The following LSAMP variants were observed in gnomAD, a reference collection of about 807,000 sequenced individuals.
LSAMP encodes the protein limbic system associated membrane protein.
A neutral mutation model predicts 38.6 loss-of-function variants in LSAMP; 7 were observed. The ratio of observed to expected loss-of-function variants is 0.18; its 90% CI spans 0.10 to 0.34. The LOEUF (loss-of-function observed/expected upper bound fraction) is 0.34. Among genes scored for constraint, LSAMP ranks in the 10% least tolerant of loss-of-function variants. LSAMP has a pLI of 1.00. For synonymous variants in LSAMP, 154 were observed against 166.8 expected, an observed-to-expected ratio of 0.92 and a Z score of 0.59; for missense variants, 313 against 420.0, an observed-to-expected ratio of 0.75 and a Z score of 2.23.
chr3:116,106,931 T>G (rs1244095463), intron 1 of LSAMP, among the ~76,000 whole-genome samples: 1 of 152,060 alleles, frequency 6.6e-6, no homozygotes, highest in African/African-American at 2.4e-5. Context: ...GATAGAACAC[T>G]GAGAAGTTAT....
chr3:116,407,245 A>G (rs2048908934), intron 1 of LSAMP, among the ~76,000 whole-genome samples: 1 of 152,072 alleles, frequency 6.6e-6, no homozygotes, highest in African/African-American at 2.4e-5. Context: ...CTTTCCAAAC[A>G]TGCATCCATC....
At chr3:116,048,164 G>C (rs1467126844) in intron 2 of LSAMP, among the ~76,000 whole-genome samples, 1 of 152,154 alleles carries the variant, frequency 6.6e-6, no homozygotes, top group Non-Finnish European at 1.5e-5. Context: ...GGTAGCAAAT[G>C]GTAAAGGGAT....
intron 3 of LSAMP, among the ~76,000 whole-genome samples, chr3:115,977,065 A>G (rs1210058536): frequency 2.6e-5 from 4 of 152,272 alleles, no homozygotes; most frequent in Non-Finnish European, 5.9e-5. Context: ...AATGAAATCT[A>G]TTTCATATTA....
rs72950122 is a variant in LSAMP, at chr3:116,302,164, G to T, written c.155+142713C>A. Among the ~76,000 whole-genome samples, 500 of 152,274 alleles carry T rather than the reference G, an allele frequency of 3.3e-3. 3 individuals are homozygous for T. Among genetic ancestry groups the T allele is most frequent in the African/African-American group, 0.011 (453 of 41,556 alleles). ...CAATAGAAAAGATCCACTTGTTATG[G>T]TAATCACCAGTGGCATTCTAAATAA... On this transcript the variant is annotated intron_variant, in intron 1 of 6. Coordinates refer to ENST00000490035, the MANE Select transcript of LSAMP (RefSeq NM_002338.5).
intron 3 of LSAMP, among the ~76,000 whole-genome samples, chr3:116,016,662 T>A (rs1412235402): frequency 3.3e-5 from 5 of 152,192 alleles, no homozygotes; most frequent in Non-Finnish European, 7.3e-5. Context: ...TATTCAGTGA[T>A]GCTGTTTTAG....
chr3:115,946,030 T>C (rs919831399), intron 3 of LSAMP, among the ~76,000 whole-genome samples: 2 of 152,182 alleles, frequency 1.3e-5, no homozygotes, highest in Admixed American at 1.3e-4. Flanking sequence ...TTAACACATT[T>C]TGATTGAACA....
intron 1 of LSAMP, among the ~76,000 whole-genome samples, chr3:116,196,906 C>T (rs539036870): frequency 2.0e-5 from 3 of 152,252 alleles, no homozygotes; most frequent in African/African-American, 7.2e-5. Flanking sequence ...CAGAACAACT[C>T]CTGAGAGCAT....
At chr3:116,096,199 CT>C (rs1307042010) in intron 1 of LSAMP, among the ~76,000 whole-genome samples, 1 of 152,210 alleles carries the variant, frequency 6.6e-6, no homozygotes, top group Non-Finnish European at 1.5e-5. Context: ...GTAGTAGGTA[CT>C]TCCTCAGATT....
At chr3:115,987,177 C>A (rs1456834143) in intron 3 of LSAMP, among the ~76,000 whole-genome samples, 5 of 152,150 alleles carry the variant, frequency 3.3e-5, no homozygotes, top group Non-Finnish European at 1.5e-5. Context: ...ATTTCATTTT[C>A]TTCTTCCTGA....
chr3:115,842,602 G>C, intron 4 of LSAMP, 24 bp from the exon 5 acceptor site: 1 of 1,611,946 alleles, frequency 6.2e-7, no homozygotes. Context: ...AGGCACACAA[G>C]TTTACATGAG....
At chr3:115,930,002 G>GTGTTTTTT (rs1937554734) in intron 3 of LSAMP, among the ~76,000 whole-genome samples, 1 of 80,294 alleles carries the variant, frequency 1.2e-5, no homozygotes, top group Non-Finnish European at 2.2e-5. Flanking sequence ...TTTAGCAGAA[G>GTGTTTTTT]TTTTTTTTTT....
At chr3:116,175,042 T>A (rs945697426) in intron 1 of LSAMP, among the ~76,000 whole-genome samples, 16 of 152,132 alleles carry the variant, frequency 1.1e-4, no homozygotes, top group Non-Finnish European at 2.1e-4. Context: ...TAAGAATTCT[T>A]CTTTAATAAA....
At chr3:116,072,752 GTTTT>G (rs36091421) in intron 2 of LSAMP, among the ~76,000 whole-genome samples, 137 of 112,344 alleles carry the variant, frequency 1.2e-3, no homozygotes, top group African/African-American at 4.2e-3. Context: ...GTTGTTTGTG[GTTTT>G]TTTTTTTTTT....
chr3:115,930,002 GTTT>G (rs1170325465), intron 3 of LSAMP, among the ~76,000 whole-genome samples: 47 of 80,294 alleles, frequency 5.9e-4, no homozygotes, highest in South Asian at 3.9e-3. Flanking sequence ...TTTAGCAGAA[GTTT>G]TTTTTTTTTT....
chr3:115,954,696 G>A (rs1037762311), intron 3 of LSAMP, among the ~76,000 whole-genome samples: 1 of 152,172 alleles, frequency 6.6e-6, no homozygotes, highest in Non-Finnish European at 1.5e-5. Context: ...AGGAAAAGGC[G>A]TTCTCTCTCT....
intron 3 of LSAMP, among the ~76,000 whole-genome samples, chr3:116,003,745 CAG>C (rs1253572088): frequency 6.6e-6 from 1 of 152,090 alleles, no homozygotes; most frequent in African/African-American, 2.4e-5. Flanking sequence ...CATGTGAAGA[CAG>C]AGGCAGAGAC....
chr3:116,327,670 C>T (rs1490335370), intron 1 of LSAMP, among the ~76,000 whole-genome samples: 1 of 152,100 alleles, frequency 6.6e-6, no homozygotes, highest in African/African-American at 2.4e-5. Context: ...ATTTTAGATC[C>T]ATTCCTGACT....
chr3:116,437,282 G>T (rs1383827028), intron 1 of LSAMP, among the ~76,000 whole-genome samples: 1 of 151,956 alleles, frequency 6.6e-6, no homozygotes, highest in Non-Finnish European at 1.5e-5. Flanking sequence ...AGGAATAAAA[G>T]ACAACAAATA....
At chr3:116,091,772 T>C (rs1156466885) in intron 1 of LSAMP, among the ~76,000 whole-genome samples, 1 of 152,226 alleles carries the variant, frequency 6.6e-6, no homozygotes, top group East Asian at 1.9e-4. Context: ...ATGTTGCAAA[T>C]AATTCCCAGG....
Sources: gnomAD v4.1 joint callset for allele counts (sites outside exome capture counted in the v4.1 genomes callset) on GRCh38, gnomAD v4.1.1 for gene constraint, MANE v1.5 for transcripts, NCBI Gene and HGNC (gene_info 2026-07-23, HGNC 2026-07-21) for gene names.